The following WNK2 variants were observed in gnomAD, a reference collection of about 807,000 sequenced individuals.
WNK2 encodes serine/threonine-protein kinase WNK2.
In WNK2, 67 loss-of-function variants were observed where a neutral mutation model predicts 192.1. The observed-to-expected ratio is 0.35, with a 90% CI of 0.29 to 0.43. The LOEUF (loss-of-function observed/expected upper bound fraction) is 0.43, where lower values mean the gene tolerates loss of function less well. Ranked by LOEUF, WNK2 falls within the 20% of genes least tolerant of loss-of-function variation. The probability of loss-of-function intolerance (pLI) is 1.00; values close to 1 mark genes in which losing one functional copy is unlikely to be tolerated. For synonymous variants in WNK2, 1,439 were observed against 1,393.9 expected (o/e 1.03, Z -0.72); for missense variants, 2,698 against 3,089.7 (o/e 0.87, Z 3.01).
At chr9:93,213,986 C>T (rs985432136) in intron 2 of WNK2, among the ~76,000 whole-genome samples, 5 of 152,166 alleles carry the variant, frequency 3.3e-5, no homozygotes, top group Admixed American at 2.6e-4. Context: ...ATTTAGCCCT[C>T]CCTGTCTTTT....
intron 10 of WNK2, 62 bp downstream of exon 10, chr9:93,256,516 C>T: frequency 1.4e-6 from 2 of 1,442,758 alleles, no homozygotes; most frequent in Non-Finnish European, 1.8e-6. Context: ...GTGCTGGCCC[C>T]TGGGCCCAGG....
chr9:93,256,345 C>T lies in WNK2; in HGVS notation c.2081C>T (p.Ser694Phe). 2.5e-6 allele frequency: 4 copies of T among 1,585,326 alleles called. No individual in the cohort carries two copies. Among genetic ancestry groups the T allele is most frequent in the East Asian group, 4.5e-5 (2 of 44,032 alleles). ...GSVPAPACPPSLQQHFPDPAM... is the reference protein window; with the variant it reads ...GSVPAPACPPFLQQHFPDPAM... Reference sequence around the variant, plus strand: ...GTCCCGGCCCCCGCCTGCCCTCCGTCCCTCCAGCAGCACTTCCCGGATCCG... The same window carrying T: ...GTCCCGGCCCCCGCCTGCCCTCCGTTCCTCCAGCAGCACTTCCCGGATCCG... The change falls in exon 10 of 30, where the codon TCC (serine) becomes TTC (phenylalanine). Residue 694 changes from serine (S) to phenylalanine (F), a missense_variant. Ser to Phe is a radical substitution (Grantham distance 155, BLOSUM62 -2). Transcript: ENST00000427277.
chr9:93,199,212 G>T (rs760498888), intron 2 of WNK2, among the ~76,000 whole-genome samples: 5 of 152,216 alleles, frequency 3.3e-5, no homozygotes, highest in Non-Finnish European at 7.3e-5. Context: ...GATGCCTGGG[G>T]TCTCAGTGGG....
chr9:93,273,835 AAC>A (rs772946019), intron 19 of WNK2, among the ~76,000 whole-genome samples: 2 of 152,268 alleles, frequency 1.3e-5, no homozygotes, highest in Admixed American at 1.3e-4. Flanking sequence ...AAAATTAAAT[AAC>A]ACTTCTAAAT....
At chr9:93,289,861 G>C (rs760714424) in intron 20 of WNK2, 117 bp from the exon 21 acceptor site, 35 of 1,051,008 alleles carry the variant, frequency 3.3e-5, no homozygotes, top group South Asian at 6.2e-5. Flanking sequence ...TGCACACACA[G>C]GGGCTGGGGC....
chr9:93,300,561 G>A (rs1422886056), intron 26 of WNK2, among the ~76,000 whole-genome samples: 1 of 151,884 alleles, frequency 6.6e-6, no homozygotes, highest in Non-Finnish European at 1.5e-5. Flanking sequence ...GCTGTCCCCA[G>A]TTCCAGCGAC....
intron 28 of WNK2, among the ~76,000 whole-genome samples, chr9:93,310,818 G>C (rs1018791896): frequency 6.6e-6 from 1 of 152,162 alleles, no homozygotes; most frequent in Non-Finnish European, 1.5e-5. Context: ...TTTAAAATCA[G>C]CCAGGCGTGG....
chr9:93,256,294 T>C lies in WNK2; in HGVS notation c.2035-5T>C, dbSNP rs1308874928. 1 of 1,551,402 alleles carries C rather than the reference T, an allele frequency of 6.4e-7. No individual in the cohort carries two copies. The highest frequency in any genetic ancestry group is 1.8e-5 in the Admixed American group (1 of 55,318). On this transcript the variant is annotated splice_polypyrimidine_tract_variant and splice_region_variant and intron_variant, in intron 9 of 29. Transcript: ENST00000427277. ...TGCTGAGTGTGGCCCTGGTGCTCTC[T>C]GCAGCCTGGCTTGCCGGTGGGCTCT...
chr9:93,207,248 A>T (rs1833562955), intron 2 of WNK2, among the ~76,000 whole-genome samples: 1 of 152,172 alleles, frequency 6.6e-6, no homozygotes, highest in South Asian at 2.1e-4. Flanking sequence ...AGTTATCAGG[A>T]TCTCCCATAT....
chr9:93,312,861 G>T (rs1853923414), intron 28 of WNK2, among the ~76,000 whole-genome samples: 1 of 152,056 alleles, frequency 6.6e-6, no homozygotes, highest in Non-Finnish European at 1.5e-5. Flanking sequence ...TCCACTTCAT[G>T]GTGGACCACC....
chr9:93,224,408 G>A (rs144229388), intron 2 of WNK2, among the ~76,000 whole-genome samples: 64 of 152,352 alleles, frequency 4.2e-4, no homozygotes, highest in Non-Finnish European at 7.9e-4. Context: ...TTCAGGGCAG[G>A]AACCTCTGAT....
At chr9:93,319,412 G>A (rs1276164803) in intron 29 of WNK2, 3 of 985,232 alleles carry the variant, frequency 3.0e-6, no homozygotes, top group Non-Finnish European at 3.6e-6. Flanking sequence ...GGGCTGCCTG[G>A]CCCCCAACAC....
intron 16 of WNK2, among the ~76,000 whole-genome samples, chr9:93,265,968 G>A (rs148176061): frequency 6.6e-5 from 10 of 152,136 alleles, no homozygotes; most frequent in East Asian, 3.8e-4. Context: ...CTCAGCACTC[G>A]GATACTCCTC....
chr9:93,211,297 G>C (rs62646619), intron 2 of WNK2, among the ~76,000 whole-genome samples: 74 of 83,096 alleles, frequency 8.9e-4, no homozygotes, highest in Middle Eastern at 0.012. Context: ...CATACACTCA[G>C]TCACTCATTC....
At chr9:93,292,267 C>T (rs372198047) in intron 21 of WNK2, 41 bp from the exon 22 acceptor site, 2 of 1,607,856 alleles carry the variant, frequency 1.2e-6, no homozygotes, top group South Asian at 1.1e-5. Context: ...CTGCCTCTTC[C>T]TCCTCCTTCA....
At chr9:93,231,154 T>C (rs958397945) in intron 4 of WNK2, 46 bp downstream of exon 4, 6 of 1,568,288 alleles carry the variant, frequency 3.8e-6, no homozygotes, top group African/African-American at 2.7e-5. Context: ...CATGAGAAGC[T>C]GGGCAGCAGT....
At chr9:93,274,862 A>ATAC (rs1846551548) in intron 19 of WNK2, among the ~76,000 whole-genome samples, 2 of 152,346 alleles carry the variant, frequency 1.3e-5, no homozygotes, top group Admixed American at 1.3e-4. Context: ...TTCAACACCA[A>ATAC]TACCACTTCC....
chr9:93,186,299 C>T (rs1306145133), intron 2 of WNK2, among the ~76,000 whole-genome samples: 1 of 152,140 alleles, frequency 6.6e-6, no homozygotes, highest in Non-Finnish European at 1.5e-5. Flanking sequence ...ATGCAGAATG[C>T]GTGTGGGGGT....
At chr9:93,280,498 T>C (rs528123582) in intron 19 of WNK2, among the ~76,000 whole-genome samples, 1 of 152,342 alleles carries the variant, frequency 6.6e-6, no homozygotes, top group Non-Finnish European at 1.5e-5. Context: ...CCCATTTTAC[T>C]TCTGTGTACT....
Sources: gnomAD v4.1 joint callset for allele counts (sites outside exome capture counted in the v4.1 genomes callset) on GRCh38, gnomAD v4.1.1 for gene constraint, MANE v1.5 for transcripts, NCBI Gene and HGNC (gene_info 2026-07-23, HGNC 2026-07-21) for gene names.